The following PDCD6IP variants were observed in gnomAD, a reference collection of about 807,000 sequenced individuals.
The protein encoded by PDCD6IP is programmed cell death 6-interacting protein.
PDCD6IP carries 43 observed loss-of-function variants against 103.7 expected under a neutral mutation model. The ratio of observed to expected loss-of-function variants is 0.41; its 90% confidence interval spans 0.32 to 0.53. The LOEUF (loss-of-function observed/expected upper bound fraction) is 0.53. Among genes scored for constraint, PDCD6IP ranks in the 20% least tolerant of loss-of-function variants. PDCD6IP has a pLI of 0.16. For synonymous variants in PDCD6IP, 354 were observed against 378.7 expected, an observed-to-expected ratio of 0.93 and a Z score of 0.76; for missense variants, 871 against 1,036.7, an observed-to-expected ratio of 0.84 and a Z score of 2.20.
At chr3:33,850,472 C>A (rs529796280) in intron 12 of PDCD6IP, among the ~76,000 whole-genome samples, 3 of 151,928 alleles carry the variant, frequency 2.0e-5, no homozygotes, top group Non-Finnish European at 4.4e-5. Flanking sequence ...TAACCATATT[C>A]GTTAGTTTCT....
chr3:33,846,300 T>C (rs1442086815), intron 12 of PDCD6IP, among the ~76,000 whole-genome samples: 2 of 152,050 alleles, frequency 1.3e-5, no homozygotes, highest in Non-Finnish European at 2.9e-5. Flanking sequence ...TTGTTCCTTA[T>C]TTGTCTTTCC....
intron 15 of PDCD6IP, among the ~76,000 whole-genome samples, chr3:33,858,904 T>TA (rs1451312928): frequency 1.3e-5 from 2 of 152,032 alleles, no homozygotes; most frequent in East Asian, 3.8e-4. Context: ...TGCTTTTGAT[T>TA]AAAAAAAATC....
Position 33,814,762 on chromosome 3 carries a change from T to C in PDCD6IP, c.334+1134T>C, listed in dbSNP as rs908759183. On this transcript the variant is annotated intron_variant, in intron 3 of 17. Transcript: ENST00000307296. ...ACATATATGTATATATACTTACATA[T>C]ACACACATATATAGTATATTTGTAT... is the stretch of plus-strand genomic sequence containing the variant. 4.1e-5 allele frequency among the ~76,000 whole-genome samples: 6 copies of C among 145,662 alleles called. 1 individual carries two copies. Among genetic ancestry groups the C allele is most frequent in the Admixed American group, 2.8e-4 (4 of 14,344 alleles).
At chr3:33,822,263 T>A (rs1697009941) in intron 4 of PDCD6IP, among the ~76,000 whole-genome samples, 181 bp downstream of exon 4, 1 of 152,242 alleles carries the variant, frequency 6.6e-6, no homozygotes, top group Non-Finnish European at 1.5e-5. Context: ...ATAGACCAGG[T>A]CTGTTATTCC....
At chr3:33,811,063 T>C (rs1696706522) in intron 1 of PDCD6IP, 1 of 433,588 alleles carries the variant, frequency 2.3e-6, no homozygotes, top group African/African-American at 2.1e-5. Context: ...TGTTTGTATT[T>C]TTAGTAGAGA....
intron 1 of PDCD6IP, among the ~76,000 whole-genome samples, chr3:33,802,057 G>A (rs1424845532): frequency 6.6e-6 from 1 of 152,166 alleles, no homozygotes; most frequent in East Asian, 1.9e-4. Flanking sequence ...TAAAAAGTTG[G>A]CAGGTAGGTA....
At chr3:33,809,308 A>C (rs746334595) in intron 1 of PDCD6IP, among the ~76,000 whole-genome samples, 6 of 152,230 alleles carry the variant, frequency 3.9e-5, no homozygotes, top group African/African-American at 2.4e-5. Flanking sequence ...TTGTTGAATG[A>C]ATGAATGAGG....
intron 2 of PDCD6IP, 38 bp downstream of exon 2, chr3:33,812,164 A>G: frequency 6.3e-7 from 1 of 1,578,592 alleles, no homozygotes; most frequent in African/African-American, 1.4e-5. Context: ...ATATGGTAAT[A>G]GCACCCATTT....
chr3:33,827,808 G>A (rs1697162889), intron 6 of PDCD6IP: 1 of 152,164 alleles, frequency 6.6e-6, no homozygotes, highest in African/African-American at 2.4e-5. Flanking sequence ...TGGCATGAGT[G>A]TAGTTTGAAA....
intron 1 of PDCD6IP, chr3:33,799,573 A>G (rs9876986): frequency 0.39 from 58,774 of 152,188 alleles, 13,134 homozygotes; most frequent in African/African-American, 0.62. Context: ...TCACAAACAG[A>G]TATATACACA....
At chr3:33,819,436 G>C (rs1559777868) in intron 3 of PDCD6IP, among the ~76,000 whole-genome samples, 1 of 152,072 alleles carries the variant, frequency 6.6e-6, no homozygotes, top group South Asian at 2.1e-4. Flanking sequence ...AGTTCGCATT[G>C]CTCTTCCTTT....
At position 33,853,978 on chromosome 3, in the gene PDCD6IP, G is replaced by A. The variant is rs1200438555; in HGVS notation, c.1990G>A (p.Val664Ile). Residue 664 changes from valine to isoleucine, a missense_variant, in exon 14 of 18, where the codon GTT becomes ATT. By Grantham distance (29) the Val-to-Ile change is conservative. Transcript: ENST00000307296. ...KNLATAYDNF[V>I]ELVANLKEGT... ...TTTAGCTACTGCATATGACAACTTT[G>A]TTGAACTTGTAGCTAATTTGAAGGA... 6.3e-7 allele frequency: 1 copy of A among 1,585,686 alleles called. No individual in the cohort carries two copies. The highest frequency in any genetic ancestry group is 8.5e-7 in the Non-Finnish European group (1 of 1,170,854).
At position 33,866,530 on chromosome 3, in the gene PDCD6IP, T is replaced by C. The variant is rs765467966; in HGVS notation, c.*5T>C. Reference sequence around the variant, plus strand: ...TCTTACTATCCACAGCAGTAATATGTCTGCTCAGCAGCTCAGCTGATTCAG... The same window carrying C: ...TCTTACTATCCACAGCAGTAATATGCCTGCTCAGCAGCTCAGCTGATTCAG... On this transcript the variant is annotated 3_prime_UTR_variant, in exon 18 of 18. Transcript: ENST00000307296. 6 of 1,591,956 alleles carry C rather than the reference T, an allele frequency of 3.8e-6. No homozygotes were observed. In the South Asian group the frequency reaches 6.9e-5, roughly 18 times the overall value.
chr3:33,843,747 C>A (rs1186976963), intron 10 of PDCD6IP, among the ~76,000 whole-genome samples: 1 of 151,904 alleles, frequency 6.6e-6, no homozygotes, highest in East Asian at 1.9e-4. Flanking sequence ...GAATGAAAGT[C>A]TAAATTTTAT....
chr3:33,866,668 G>C lies in PDCD6IP; in HGVS notation c.*143G>C. ...AGTGTATAATTTCTGTCTACAGCTA[G>C]AAGCTGTGCCCCAGTTCCACATTTG... On this transcript the variant is annotated 3_prime_UTR_variant, in exon 18 of 18. Transcript: ENST00000307296. The C allele has an allele frequency of 3.6e-6, 2 of 561,378 alleles. No homozygotes were observed. Among genetic ancestry groups the C allele is most frequent in the Non-Finnish European group, 2.8e-6 (1 of 353,180 alleles). 34.8% of individuals were successfully genotyped at this position (561,378 alleles called of 1,614,324 possible).
chr3:33,839,034 T>G (rs1697412561), intron 9 of PDCD6IP, among the ~76,000 whole-genome samples: 1 of 152,150 alleles, frequency 6.6e-6, no homozygotes, highest in Non-Finnish European at 1.5e-5. Flanking sequence ...CTTGAACTCC[T>G]GGGCTCAAGC....
rs763868684 is a variant in PDCD6IP, at chr3:33,845,496, C to T, written c.1549C>T (p.Arg517Cys). 1.2e-5 allele frequency: 19 copies of T among 1,613,636 alleles called. No homozygotes were observed. The highest frequency in any genetic ancestry group is 2.7e-5 in the African/African-American group (2 of 74,924). ...AGTGAAAGAATGTTACCAGTCTCAT[C>T]GTGACACCATCGTGCTTTTGTGTAA... ...GQVKECYQSH[R>C]DTIVLLCKPE... The change falls in exon 12 of 18, where the codon CGT becomes TGT. Residue 517 changes from arginine (R) to cysteine (C), a missense_variant. Physicochemically the swap from Arg to Cys is radical, Grantham distance 180 (BLOSUM62 -3). Around this residue, in one of 5 missense-constraint regions of PDCD6IP, gnomAD observed 266 missense variants for 390.5 expected, o/e 0.68. Coordinates refer to ENST00000307296, the MANE Select transcript of PDCD6IP (RefSeq NM_013374.6).
chr3:33,866,523 TA>T lies in PDCD6IP; in HGVS notation c.2607del (p.Ter869TyrfsTer9). On this transcript the variant is annotated frameshift_variant and stop_lost, in exon 18 of 18. Coordinates refer to ENST00000307296, the MANE Select transcript of PDCD6IP (RefSeq NM_013374.6). LOFTEE classifies it high-confidence loss of function. ...ACAGCAGTCTTACTATCCACAGCAG[TA>T]ATATGTCTGCTCAGCAGCTCAGCTG... ...PPQQSYYPQQ[*>X] 6.3e-7 allele frequency: 1 copy of T among 1,596,724 alleles called. No homozygotes were observed. Among genetic ancestry groups the T allele is most frequent in the Non-Finnish European group, 8.5e-7 (1 of 1,174,300 alleles).
chr3:33,805,095 G>A (rs987306585), intron 1 of PDCD6IP, among the ~76,000 whole-genome samples: 4 of 152,140 alleles, frequency 2.6e-5, no homozygotes, highest in Admixed American at 6.5e-5. Context: ...GGTGGCTCAT[G>A]CCTGTAATCC....
Sources: gnomAD v4.1 joint callset for allele counts (sites outside exome capture counted in the v4.1 genomes callset) on GRCh38, gnomAD v4.1.1 for gene constraint, gnomAD v4.1.1 regional missense constraint, MANE v1.5 for transcripts, NCBI Gene and HGNC (gene_info 2026-07-23, HGNC 2026-07-21) for gene names.